Variants in ANKS1B observed in about 807,000 individuals in gnomAD.
The protein encoded by ANKS1B is ankyrin repeat and sterile alpha motif domain-containing protein 1B.
ANKS1B carries 36 observed loss-of-function variants against 148.3 expected under a neutral mutation model. The observed-to-expected ratio is 0.24, with a 90% CI of 0.19 to 0.32. The LOEUF (loss-of-function observed/expected upper bound fraction) is 0.32. ANKS1B is among the 10% of genes least tolerant of loss of function. The pLI is 1.00. For missense variants in ANKS1B, 1,157 were observed against 1,542.6 expected (o/e 0.75, Z 4.19); for synonymous variants, 542 against 560.8 (o/e 0.97, Z 0.47).
intron 12 of ANKS1B, among the ~76,000 whole-genome samples, chr12:99,382,321 G>T (rs1334280706): frequency 1.3e-5 from 2 of 152,098 alleles, no homozygotes; most frequent in African/African-American, 2.4e-5. Flanking sequence ...AACAACTAAT[G>T]TCCCTTTAGA....
At chr12:99,805,283 A>AAAAAAAAAAAAAAAAAT (rs1333956748) in intron 4 of ANKS1B, among the ~76,000 whole-genome samples, 1 of 148,710 alleles carries the variant, frequency 6.7e-6, no homozygotes, top group East Asian at 1.9e-4. Context: ...AAAAAAAAAA[A>AAAAAAAAAAAAAAAAAT]AAAAAGACTA....
intron 19 of ANKS1B, among the ~76,000 whole-genome samples, chr12:98,820,722 C>T (rs2099180906): frequency 6.6e-6 from 1 of 152,026 alleles, no homozygotes; most frequent in Admixed American, 6.5e-5. Flanking sequence ...GGATATCATC[C>T]ATAATTCCTT....
intron 1 of ANKS1B, among the ~76,000 whole-genome samples, chr12:99,851,686 T>C (rs563192988): frequency 6.6e-6 from 1 of 152,304 alleles, no homozygotes; most frequent in South Asian, 2.1e-4. Context: ...CTATCTCTTA[T>C]AATGAAAGAT....
At chr12:99,372,034 T>C (rs12304343) in intron 12 of ANKS1B, among the ~76,000 whole-genome samples, 46,152 of 151,936 alleles carry the variant, frequency 0.3, 8,146 homozygotes, top group East Asian at 0.49. Flanking sequence ...ATATTCTATA[T>C]GATACCACAA....
intron 17 of ANKS1B, among the ~76,000 whole-genome samples, chr12:98,913,712 C>T (rs2099789946): frequency 6.6e-6 from 1 of 152,158 alleles, no homozygotes; most frequent in African/African-American, 2.4e-5. Flanking sequence ...ACTACAACTT[C>T]CACCTCCTGG....
rs138547810 is a variant in ANKS1B at position 99,802,728 on chromosome 12, C to A, written c.669+3676G>T. Among the ~76,000 whole-genome samples, 334 of 151,994 alleles carry A rather than the reference C, an allele frequency of 2.2e-3. 2 individuals are homozygous for A. Among genetic ancestry groups the A allele is most frequent in the African/African-American group, 7.8e-3 (322 of 41,480 alleles). ...AGGAGTTCGAGACCAACCTGGGCAA[C>A]ATAGTGAGACCTTTTCTCTACAAAA... On this transcript the variant is annotated intron_variant, in intron 4 of 26. Coordinates refer to ENST00000683438, the MANE Select transcript of ANKS1B (RefSeq NM_001352186.2).
At chr12:99,927,061 A>G (rs530351860) in intron 1 of ANKS1B, among the ~76,000 whole-genome samples, 1 of 152,328 alleles carries the variant, frequency 6.6e-6, no homozygotes, top group East Asian at 1.9e-4. Flanking sequence ...TTAGAAACTG[A>G]AAGAGAGTTG....
chr12:98,823,228 C>A (rs890651876), intron 19 of ANKS1B, among the ~76,000 whole-genome samples: 1 of 152,166 alleles, frequency 6.6e-6, no homozygotes, highest in Non-Finnish European at 1.5e-5. Context: ...GCTGTCAAAT[C>A]GGAAGCTCCT....
At chr12:99,063,463 T>C (rs988828900) in intron 16 of ANKS1B, among the ~76,000 whole-genome samples, 1 of 152,206 alleles carries the variant, frequency 6.6e-6, no homozygotes, top group Non-Finnish European at 1.5e-5. Context: ...GACATCACTG[T>C]GCTGTTTCAT....
intron 6 of ANKS1B, among the ~76,000 whole-genome samples, chr12:99,778,807 TCTATTC>T (rs2063953143): frequency 6.6e-6 from 1 of 152,180 alleles, no homozygotes; most frequent in African/African-American, 2.4e-5. Flanking sequence ...ATATAGTGCA[TCTATTC>T]CTTTTACTCC....
intron 12 of ANKS1B, among the ~76,000 whole-genome samples, chr12:99,311,818 T>C (rs966808157): frequency 6.6e-6 from 1 of 152,116 alleles, no homozygotes; most frequent in Non-Finnish European, 1.5e-5. Flanking sequence ...TGGTGCTTTT[T>C]ATTGTTATAT....
intron 12 of ANKS1B, among the ~76,000 whole-genome samples, chr12:99,382,977 T>C (rs2093705938): frequency 3.9e-5 from 6 of 152,016 alleles, no homozygotes; most frequent in Admixed American, 3.9e-4. Flanking sequence ...CCACTTCCCT[T>C]CTAGCTTTCA....
chr12:99,068,955 A>G (rs117344454), intron 16 of ANKS1B, among the ~76,000 whole-genome samples: 112 of 152,294 alleles, frequency 7.4e-4, no homozygotes, highest in Non-Finnish European at 1.3e-3. Flanking sequence ...CTCCTCTTGT[A>G]GCATTTTCCA....
At chr12:99,116,559 G>A (rs374236319) in intron 15 of ANKS1B, among the ~76,000 whole-genome samples, 25 of 152,040 alleles carry the variant, frequency 1.6e-4, no homozygotes, top group Non-Finnish European at 2.5e-4. Flanking sequence ...TGACCTTCTT[G>A]GGTTAGGACC....
At chr12:99,595,526 TTATTAG>T (rs1415651730) in intron 9 of ANKS1B, among the ~76,000 whole-genome samples, 1 of 151,964 alleles carries the variant, frequency 6.6e-6, no homozygotes, top group Admixed American at 6.6e-5. Flanking sequence ...AGAGGAAATC[TTATTAG>T]TATTAGTATG....
At chr12:99,242,152 T>C (rs552241760) in intron 14 of ANKS1B, among the ~76,000 whole-genome samples, 2 of 152,356 alleles carry the variant, frequency 1.3e-5, no homozygotes, top group South Asian at 4.1e-4. Context: ...CCCAATCATT[T>C]TAGCCCAAAA....
chr12:99,257,585 TTA>T (rs1219326833), intron 12 of ANKS1B, among the ~76,000 whole-genome samples: 2 of 152,304 alleles, frequency 1.3e-5, no homozygotes, highest in Non-Finnish European at 2.9e-5. Context: ...AATATTTTGT[TTA>T]TATATAGTGG....
At chr12:99,603,337 C>T (rs185957442) in intron 9 of ANKS1B, among the ~76,000 whole-genome samples, 4 of 152,160 alleles carry the variant, frequency 2.6e-5, no homozygotes, top group Admixed American at 2.6e-4. Flanking sequence ...TGGTGAATTC[C>T]TCTCTGCTCA....
At chr12:99,388,797 C>T (rs1286982663) in intron 12 of ANKS1B, among the ~76,000 whole-genome samples, 3 of 152,142 alleles carry the variant, frequency 2.0e-5, no homozygotes, top group African/African-American at 7.2e-5. Flanking sequence ...GGTTTATTCT[C>T]CAAAGCTAGC....
Sources: allele counts gnomAD v4.1 joint callset (sites outside exome capture counted in the v4.1 genomes callset), GRCh38; gene constraint gnomAD v4.1.1; transcripts MANE v1.5; gene names NCBI Gene and HGNC (gene_info 2026-07-23, HGNC 2026-07-21).